The following ZNF438 variants were observed in gnomAD, a reference collection of about 807,000 sequenced individuals.
ZNF438 encodes the protein zinc finger protein 438.
ZNF438 carries 25 observed loss-of-function variants against 38.0 expected under a neutral mutation model. That is an observed-to-expected ratio of 0.66 (90% CI 0.48 to 0.92). The LOEUF (loss-of-function observed/expected upper bound fraction) is 0.92, where lower values mean the gene tolerates loss of function less well. Among genes scored for constraint, ZNF438 ranks in the 40% least tolerant of loss-of-function variants. ZNF438 has a pLI of 0.00. For missense variants in ZNF438, 1,007 were observed against 999.6 expected (o/e 1.01, Z -0.10); for synonymous variants, 372 against 364.1 (o/e 1.02, Z -0.25).
At chr10:30,850,198 G>C (rs2033319997) in exon 5 of ZNF438, 10 of 1,614,166 alleles carry the variant, frequency 6.2e-6, no homozygotes, top group Non-Finnish European at 8.5e-6. Flanking sequence ...GCAGCTTGGA[G>C]TTGATGGAGG....
chr10:30,980,596 T>A (rs1472708736), intron 1 of ZNF438, among the ~76,000 whole-genome samples: 2 of 152,240 alleles, frequency 1.3e-5, no homozygotes, highest in Non-Finnish European at 2.9e-5. Flanking sequence ...GAAATGTTTA[T>A]TAGACTCCAA....
chr10:30,928,869 G>C (rs2045286204), intron 2 of ZNF438, among the ~76,000 whole-genome samples: 1 of 152,130 alleles, frequency 6.6e-6, no homozygotes, highest in South Asian at 2.1e-4. Flanking sequence ...ACTTTCAGCT[G>C]AACATCTGTT....
intron 3 of ZNF438, among the ~76,000 whole-genome samples, chr10:30,883,998 T>G (rs1298352405): frequency 1.3e-5 from 2 of 152,182 alleles, no homozygotes; most frequent in Non-Finnish European, 2.9e-5. Context: ...CAGCGGGGCA[T>G]TAAAGTGCTA....
At chr10:30,956,248 A>G (rs1388752659) in intron 1 of ZNF438, among the ~76,000 whole-genome samples, 5 of 152,246 alleles carry the variant, frequency 3.3e-5, no homozygotes, top group African/African-American at 1.2e-4. Flanking sequence ...CCAATGTGAG[A>G]TAAGTGATGA....
intron 3 of ZNF438, among the ~76,000 whole-genome samples, chr10:30,887,788 T>C (rs1470062934): frequency 6.6e-6 from 1 of 152,174 alleles, no homozygotes; most frequent in Non-Finnish European, 1.5e-5. Flanking sequence ...TGAAAATATA[T>C]AATATCATCT....
At chr10:30,849,814 T>C in exon 5 of ZNF438, 4 of 1,614,144 alleles carry the variant, frequency 2.5e-6, no homozygotes, top group Non-Finnish European at 3.4e-6. Context: ...CATGGTCACT[T>C]CCATTGGTCA....
rs57271761 is a variant in ZNF438 at position 30,872,879 on chromosome 10, T to C, written c.37+4119A>G. On this transcript the variant is annotated intron_variant, in intron 4 of 5. Coordinates refer to ENST00000413025, the Ensembl canonical transcript of ZNF438. ...CTGTGTAGGAACTTAAAATTCATTCTGACTACCCAAGATACAAACTTCAAT... is the reference window on the plus strand; with the variant it reads ...CTGTGTAGGAACTTAAAATTCATTCCGACTACCCAAGATACAAACTTCAAT... Among the ~76,000 whole-genome samples, 901 of 152,326 alleles carry C rather than the reference T, an allele frequency of 5.9e-3. 7 individuals carry two copies. Among genetic ancestry groups the C allele is most frequent in the African/African-American group, 0.021 (867 of 41,578 alleles).
chr10:30,915,948 G>A, intron 2 of ZNF438, among the ~76,000 whole-genome samples: 1 of 151,898 alleles, frequency 6.6e-6, no homozygotes, highest in East Asian at 1.9e-4. Flanking sequence ...TCATTCCAAA[G>A]GCCAAAAAAA....
chr10:30,896,309 A>C (rs992362357), intron 3 of ZNF438, among the ~76,000 whole-genome samples: 28 of 149,904 alleles, frequency 1.9e-4, no homozygotes, highest in South Asian at 8.4e-4. Flanking sequence ...AAAAAAAAAA[A>C]AAAAAACAAA....
At chr10:30,901,650 T>C (rs1044311734) in intron 3 of ZNF438, among the ~76,000 whole-genome samples, 5 of 151,864 alleles carry the variant, frequency 3.3e-5, no homozygotes, top group Non-Finnish European at 7.4e-5. Flanking sequence ...CGCTTGGCAA[T>C]AGGCGATGGT....
At chr10:30,991,314 A>C (rs1479618875) in intron 1 of ZNF438, among the ~76,000 whole-genome samples, 1 of 152,190 alleles carries the variant, frequency 6.6e-6, no homozygotes, top group Admixed American at 6.5e-5. Flanking sequence ...GTAGAGGCAC[A>C]GCTGAGAGGG....
intron 1 of ZNF438, among the ~76,000 whole-genome samples, chr10:30,989,374 T>G (rs16932088): frequency 0.1 from 15,687 of 152,182 alleles, 2,647 homozygotes; most frequent in African/African-American, 0.35. Context: ...TTAAGAAACA[T>G]GCAAGTAAAG....
chr10:30,945,275 A>G (rs547835853), intron 1 of ZNF438, among the ~76,000 whole-genome samples: 1 of 151,996 alleles, frequency 6.6e-6, no homozygotes, highest in South Asian at 2.1e-4. Context: ...AATATTTCTC[A>G]ATACTGCTAG....
chr10:30,895,003 C>T (rs1411483104), intron 3 of ZNF438, among the ~76,000 whole-genome samples: 3 of 152,172 alleles, frequency 2.0e-5, no homozygotes, highest in Non-Finnish European at 2.9e-5. Context: ...ATTTCTAACT[C>T]GTCTCTGTTT....
intron 3 of ZNF438, among the ~76,000 whole-genome samples, chr10:30,878,452 C>A (rs181306286): frequency 1.3e-5 from 2 of 152,242 alleles, no homozygotes; most frequent in Admixed American, 1.3e-4. Context: ...GCTCCTCTCT[C>A]CACTGAGAGA....
At chr10:30,883,625 C>T (rs1030114253) in intron 3 of ZNF438, among the ~76,000 whole-genome samples, 1 of 152,188 alleles carries the variant, frequency 6.6e-6, no homozygotes, top group African/African-American at 2.4e-5. Flanking sequence ...AATCCCAACA[C>T]TTTTGGGGGC....
At chr10:30,990,297 AAAT>A (rs1303405834) in intron 1 of ZNF438, among the ~76,000 whole-genome samples, 1 of 152,224 alleles carries the variant, frequency 6.6e-6, no homozygotes, top group Admixed American at 6.5e-5. Context: ...TAAATGAAAA[AAAT>A]AAAAAGAATT....
intron 1 of ZNF438, among the ~76,000 whole-genome samples, chr10:31,024,046 T>C (rs1013712120): frequency 1.1e-4 from 16 of 152,170 alleles, no homozygotes; most frequent in Non-Finnish European, 4.4e-5. Context: ...AAACACTGAA[T>C]TACCAATGAT....
intron 4 of ZNF438, among the ~76,000 whole-genome samples, chr10:30,862,092 G>A (rs55721517): frequency 2.0e-5 from 3 of 152,166 alleles, no homozygotes; most frequent in Non-Finnish European, 2.9e-5. Context: ...ATGGTGAAAA[G>A]CAGCAGGTCA....
Sources: gnomAD v4.1 joint callset for allele counts (sites outside exome capture counted in the v4.1 genomes callset) on GRCh38, gnomAD v4.1.1 for gene constraint, MANE v1.5 for transcripts, NCBI Gene and HGNC (gene_info 2026-07-23, HGNC 2026-07-21) for gene names.